MYRIP: variants seen among roughly 807,000 people sequenced by gnomAD.
The protein encoded by MYRIP is myosin VIIA and Rab interacting protein.
MYRIP carries 49 observed loss-of-function variants against 98.0 expected under a neutral mutation model. The ratio of observed to expected loss-of-function variants is 0.50; its 90% CI spans 0.40 to 0.63. MYRIP has a LOEUF of 0.63. Among genes scored for constraint, MYRIP ranks in the 30% least tolerant of loss-of-function variants. The pLI is 0.00. For synonymous variants in MYRIP, 404 were observed against 409.5 expected (o/e 0.99, Z 0.16); for missense variants, 1,004 against 1,058.2 (o/e 0.95, Z 0.71).
chr3:40,190,348 C>G lies in MYRIP; in HGVS notation c.1550C>G (p.Pro517Arg), dbSNP rs780527214. 6.2e-7 allele frequency: 1 copy of G among 1,613,954 alleles called. No homozygotes were observed. Among genetic ancestry groups the G allele is most frequent in the East Asian group, 2.2e-5 (1 of 44,860 alleles). ...TSDSSEPEEAPHTTDRRARRW... is the reference protein window; with the variant it reads ...TSDSSEPEEARHTTDRRARRW... ...GACAGCAGCGAGCCGGAGGAGGCCC[C>G]CCACACCACAGACCGGCGGGCCAGG... The change falls in exon 10 of 17, where the codon CCC (proline) becomes CGC (arginine). Residue 517 changes from proline to arginine, a missense_variant. Coordinates refer to ENST00000302541, the MANE Select transcript of MYRIP (RefSeq NM_015460.4).
chr3:40,104,753 C>T (rs1271482139), intron 3 of MYRIP, among the ~76,000 whole-genome samples: 2 of 152,144 alleles, frequency 1.3e-5, no homozygotes, highest in Non-Finnish European at 2.9e-5. Flanking sequence ...ATCCAAGACA[C>T]AAAGAGACAG....
At chr3:40,048,959 T>C (rs1350877549) in intron 3 of MYRIP, among the ~76,000 whole-genome samples, 5 of 152,192 alleles carry the variant, frequency 3.3e-5, no homozygotes, top group African/African-American at 1.2e-4. Context: ...ATGCATTCAT[T>C]CAAACATTAT....
At chr3:39,980,998 T>C (rs2125758660) in intron 2 of MYRIP, among the ~76,000 whole-genome samples, 1 of 152,290 alleles carries the variant, frequency 6.6e-6, no homozygotes, top group East Asian at 1.9e-4. Flanking sequence ...ATGAATGTCC[T>C]TCATGCCTCA....
chr3:39,832,276 ACTT>A lies in MYRIP; in HGVS notation c.-31+22363_-31+22365del, dbSNP rs567323294. Among the ~76,000 whole-genome samples the A allele has an allele frequency of 3.3e-5, 5 of 152,316 alleles. No individual in the cohort carries two copies. The South Asian group carries it at 6.2e-4, about 19-fold the overall frequency. The stretch of plus-strand genomic sequence containing the variant: ...TATTCTTCTCCAAATTTGTTAAAGA[ACTT>A]CTCAAATAATTATCTTTTCAGTGGA... On this transcript the variant is annotated intron_variant, in intron 1 of 16. Transcript: ENST00000302541.
chr3:39,856,291 T>A (rs1381378146), intron 1 of MYRIP, among the ~76,000 whole-genome samples: 1 of 152,168 alleles, frequency 6.6e-6, no homozygotes, highest in Admixed American at 6.5e-5. Context: ...ACAGTGTGCG[T>A]CTCTACATGC....
chr3:39,841,851 C>T (rs572981063), intron 1 of MYRIP, among the ~76,000 whole-genome samples: 7 of 152,142 alleles, frequency 4.6e-5, no homozygotes, highest in Non-Finnish European at 8.8e-5. Context: ...AGGGGCACCC[C>T]GCAGATGCCA....
intron 3 of MYRIP, among the ~76,000 whole-genome samples, chr3:40,131,473 T>G (rs1314204620): frequency 6.6e-6 from 1 of 152,122 alleles, no homozygotes; most frequent in Non-Finnish European, 1.5e-5. Flanking sequence ...TCAAAGAGAG[T>G]ACATGACTTA....
chr3:40,163,960 T>G (rs1397096118), intron 5 of MYRIP, among the ~76,000 whole-genome samples: 1 of 152,176 alleles, frequency 6.6e-6, no homozygotes. Context: ...TGACCTCAAG[T>G]GCACCTCCAT....
At chr3:40,082,925 G>A (rs73063968) in intron 3 of MYRIP, among the ~76,000 whole-genome samples, 62 of 152,246 alleles carry the variant, frequency 4.1e-4, no homozygotes, top group Middle Eastern at 3.4e-3. Context: ...GCTTCTACCC[G>A]TAAAATAGGC....
At chr3:40,175,657 C>G (rs532650921) in intron 8 of MYRIP, among the ~76,000 whole-genome samples, 1 of 152,246 alleles carries the variant, frequency 6.6e-6, no homozygotes, top group Non-Finnish European at 1.5e-5. Flanking sequence ...ATATGGTAGA[C>G]AGGGTCAGCT....
At chr3:40,156,069 T>C (rs2125581349) in intron 4 of MYRIP, among the ~76,000 whole-genome samples, 2 of 152,194 alleles carry the variant, frequency 1.3e-5, no homozygotes, top group African/African-American at 4.8e-5. Flanking sequence ...TCCTTGCCCA[T>C]GCCTATGTCC....
chr3:39,937,751 T>G (rs920864585), intron 2 of MYRIP, among the ~76,000 whole-genome samples: 1 of 152,232 alleles, frequency 6.6e-6, no homozygotes, highest in African/African-American at 2.4e-5. Flanking sequence ...TTAACTTTCA[T>G]AACAATAGTG....
intron 3 of MYRIP, among the ~76,000 whole-genome samples, chr3:40,062,780 A>G (rs757862505): frequency 4.6e-5 from 7 of 152,216 alleles, no homozygotes; most frequent in Admixed American, 3.3e-4. Flanking sequence ...AAAAATATCT[A>G]TTATTGAAAT....
chr3:40,234,157 C>T, intron 12 of MYRIP, 104 bp downstream of exon 12: 1 of 1,132,822 alleles, frequency 8.8e-7, no homozygotes, highest in Non-Finnish European at 1.2e-6. Context: ...CACATACACA[C>T]ACACACCACT....
At chr3:39,960,220 C>G (rs1427469490) in intron 2 of MYRIP, among the ~76,000 whole-genome samples, 2 of 152,026 alleles carry the variant, frequency 1.3e-5, no homozygotes, top group Non-Finnish European at 2.9e-5. Flanking sequence ...CCCACTAGTC[C>G]CATCTCTTGC....
Position 39,990,456 on chromosome 3 carries a change from C to A in MYRIP, c.111-53594C>A, listed in dbSNP as rs79899720. The stretch of plus-strand genomic sequence containing the variant: ...CCCACCCCTGTTCTGCTCTTTGAGT[C>A]TGTGTTTTCTTATCTGAACAATAAA... On this transcript the variant is annotated intron_variant, in intron 2 of 16. Coordinates refer to ENST00000302541, the MANE Select transcript of MYRIP (RefSeq NM_015460.4). Among the ~76,000 whole-genome samples the A allele has an allele frequency of 9.9e-3, 1,509 of 152,266 alleles. 27 individuals carry two copies. The highest frequency in any genetic ancestry group is 0.035 in the African/African-American group (1,452 of 41,556).
At chr3:39,921,881 CAA>C (rs34179419) in intron 2 of MYRIP, among the ~76,000 whole-genome samples, 2 of 75,904 alleles carry the variant, frequency 2.6e-5, no homozygotes, top group Non-Finnish European at 5.1e-5. Context: ...GACTCCGTCT[CAA>C]AAAAAAAAAA....
At chr3:40,196,079 T>TTA (rs1951382555) in intron 10 of MYRIP, among the ~76,000 whole-genome samples, 1 of 152,060 alleles carries the variant, frequency 6.6e-6, no homozygotes, top group Non-Finnish European at 1.5e-5. Context: ...ATCCTCTAGT[T>TTA]TATAGATTTT....
intron 11 of MYRIP, among the ~76,000 whole-genome samples, chr3:40,212,278 A>C (rs1263744890): frequency 2.2e-5 from 3 of 137,932 alleles, no homozygotes; most frequent in Non-Finnish European, 4.8e-5. Flanking sequence ...ATATAGAGAG[A>C]GAGCGCCATA....
Sources: gnomAD v4.1 joint callset for allele counts (sites outside exome capture counted in the v4.1 genomes callset) on GRCh38, gnomAD v4.1.1 for gene constraint, MANE v1.5 for transcripts, NCBI Gene and HGNC (gene_info 2026-07-23, HGNC 2026-07-21) for gene names.